DNAAF10: variants seen among roughly 807,000 people sequenced by gnomAD.
DNAAF10 encodes dynein axonemal assembly factor 10.
Under a neutral mutation model 43.7 loss-of-function variants are expected in DNAAF10, and 28 were observed. The observed-to-expected ratio is 0.64, with a 90% CI of 0.48 to 0.88. The LOEUF (loss-of-function observed/expected upper bound fraction) is 0.88. Ranked by LOEUF, DNAAF10 falls within the 40% of genes least tolerant of loss-of-function variation. The pLI, the probability that DNAAF10 is intolerant of heterozygous loss-of-function variation, is 0.00. For synonymous variants in DNAAF10, 156 were observed against 157.3 expected (o/e 0.99, Z 0.06); for missense variants, 403 against 439.1 (o/e 0.92, Z 0.73).
At position 68,138,845 on chromosome 2, in the gene DNAAF10, T is replaced by C; in HGVS notation, c.530A>G (p.Asn177Ser). Residue 177 changes from asparagine to serine, a missense_variant, in exon 5 of 8, where the codon AAT (asparagine) becomes AGT (serine). Transcript: ENST00000295121. Reference sequence around the variant, plus strand: ...AGCACAAACAACACGTTCTTCTTGATTATAAGCATTGCCTGGAAATCAAGA... The same window carrying C: ...AGCACAAACAACACGTTCTTCTTGACTATAAGCATTGCCTGGAAATCAAGA... ...CWTVAFGNAYNQEERVVCAGY... is the reference protein window; with the variant it reads ...CWTVAFGNAYSQEERVVCAGY... 1 of 1,612,286 alleles carries C rather than the reference T, an allele frequency of 6.2e-7. No homozygotes were observed. The highest frequency in any genetic ancestry group is 8.5e-7 in the Non-Finnish European group (1 of 1,178,422).
At chr2:68,155,788 G>A (rs1673584756) in intron 1 of DNAAF10, among the ~76,000 whole-genome samples, 1 of 151,916 alleles carries the variant, frequency 6.6e-6, no homozygotes, top group South Asian at 2.1e-4. Context: ...TAGATAATCT[G>A]AACTGAACAT....
chr2:68,136,209 T>C (rs1037376103), intron 6 of DNAAF10, among the ~76,000 whole-genome samples: 5 of 142,590 alleles, frequency 3.5e-5, no homozygotes, highest in Admixed American at 1.4e-4. Flanking sequence ...GAGGGCAAGA[T>C]TCTGTCTCCA....
rs759346301 is a variant in DNAAF10, at chr2:68,138,827, A to G, written c.548T>C (p.Val183Ala). 1.2e-6 allele frequency: 2 copies of G among 1,614,092 alleles called. No individual in the cohort carries two copies. The highest frequency in any genetic ancestry group is 1.7e-6 in the Non-Finnish European group (2 of 1,179,952). The stretch of plus-strand genomic sequence containing the variant: ...ATCCCCATTGTCATAGCCAGCACAA[A>G]CAACACGTTCTTCTTGATTATAAGC... ...GNAYNQEERV[V>A]CAGYDNGDIK... Residue 183 changes from valine to alanine, a missense_variant, in exon 5 of 8, where the codon GTT (valine) becomes GCT (alanine). Transcript: ENST00000295121.
At chr2:68,137,990 C>T (rs539486178) in intron 5 of DNAAF10, among the ~76,000 whole-genome samples, 4 of 150,502 alleles carry the variant, frequency 2.7e-5, no homozygotes, top group South Asian at 2.1e-4. Context: ...CTGGCTAACA[C>T]GATGAAACCC....
At chr2:68,148,512 C>T (rs909517542) in intron 1 of DNAAF10, among the ~76,000 whole-genome samples, 7 of 152,096 alleles carry the variant, frequency 4.6e-5, no homozygotes, top group South Asian at 2.1e-4. Context: ...CTTTTACTTC[C>T]TGATGTTTCT....
intron 4 of DNAAF10, 107 bp downstream of exon 4, chr2:68,141,587 A>T: frequency 9.3e-7 from 1 of 1,069,736 alleles, no homozygotes; most frequent in Non-Finnish European, 1.4e-6. Context: ...GTAAACTATT[A>T]GAATAATCCA....
At chr2:68,153,109 A>C (rs1297457303) in intron 1 of DNAAF10, among the ~76,000 whole-genome samples, 1 of 152,166 alleles carries the variant, frequency 6.6e-6, no homozygotes, top group African/African-American at 2.4e-5. Flanking sequence ...TCACACATGT[A>C]AGGCTTGATG....
chr2:68,143,816 G>A (rs898920293), intron 3 of DNAAF10, among the ~76,000 whole-genome samples: 1 of 152,136 alleles, frequency 6.6e-6, no homozygotes, highest in Non-Finnish European at 1.5e-5. Flanking sequence ...TAGTGTGGTA[G>A]ACTGAATGTT....
In DNAAF10 at chr2:68,141,748, T is replaced by C. The variant is rs767159192; in HGVS notation, c.463A>G (p.Asn155Asp). The C allele has an allele frequency of 9.9e-6, 16 of 1,614,052 alleles. No homozygotes were observed. In the African/African-American group the frequency reaches 1.1e-4, roughly 11 times the overall value. ...TTTTCTCCTTGTACAGGTTCCATAT[T>C]AGCAACAGGATCATCTTTTTGCCTT... ...DPRQKDDPVANMEPVQGENKR... is the reference protein window; with the variant it reads ...DPRQKDDPVADMEPVQGENKR... Residue 155 changes from asparagine (N) to aspartate (D), a missense_variant, in exon 4 of 8, where the codon AAT becomes GAT. Physicochemically the swap from Asn to Asp is conservative, Grantham distance 23. Transcript: ENST00000295121.
At chr2:68,152,747 G>T (rs534006948) in intron 1 of DNAAF10, among the ~76,000 whole-genome samples, 1 of 152,258 alleles carries the variant, frequency 6.6e-6, no homozygotes, top group Non-Finnish European at 1.5e-5. Flanking sequence ...TGACCTAACT[G>T]TTCACTTTCT....
intron 2 of DNAAF10, 128 bp from the exon 3 acceptor site, chr2:68,144,843 T>C: frequency 1.6e-6 from 2 of 1,240,314 alleles, no homozygotes; most frequent in Non-Finnish European, 2.1e-6. Flanking sequence ...TGAAGATAGT[T>C]TATACATTTA....
At chr2:68,149,369 C>T (rs1206168373) in intron 1 of DNAAF10, among the ~76,000 whole-genome samples, 1 of 152,110 alleles carries the variant, frequency 6.6e-6, no homozygotes, top group African/African-American at 2.4e-5. Context: ...GTCTAGTAAA[C>T]GAAATCAGCC....
intron 2 of DNAAF10, among the ~76,000 whole-genome samples, chr2:68,146,462 T>G (rs1229884510): frequency 6.6e-6 from 1 of 152,230 alleles, no homozygotes; most frequent in Admixed American, 6.5e-5. Context: ...ATATCTGTAC[T>G]ATACTAGGAA....
intron 2 of DNAAF10, among the ~76,000 whole-genome samples, chr2:68,147,119 C>G (rs1419790509): frequency 1.3e-5 from 2 of 152,068 alleles, no homozygotes; most frequent in African/African-American, 4.8e-5. Flanking sequence ...TCTACTTTTT[C>G]AGTGTTATTC....
rs145495579 is a variant in DNAAF10 at position 68,157,360 on chromosome 2, G to A, written c.84C>T (p.Pro28=). Residue 28 remains proline, a synonymous_variant, in exon 1 of 8, where the codon CCC becomes CCT. Coordinates refer to ENST00000295121, the MANE Select transcript of DNAAF10 (RefSeq NM_138458.4). Reference sequence around the variant, plus strand: ...CCATGGTCACAAATTTGGCGCTGCAGGGCACCCACTTACAGTCAAACACCG... The same window carrying A: ...CCATGGTCACAAATTTGGCGCTGCAAGGCACCCACTTACAGTCAAACACCG... ...NYTVFDCKWV[P]CSAKFVTMGN... The A allele has an allele frequency of 3.2e-5, 51 of 1,614,224 alleles. No homozygotes were observed. The East Asian group carries it at 1.1e-3, about 35-fold the overall frequency.
intron 2 of DNAAF10, among the ~76,000 whole-genome samples, chr2:68,145,445 A>G (rs1225040725): frequency 6.6e-6 from 1 of 152,150 alleles, no homozygotes; most frequent in Non-Finnish European, 1.5e-5. Flanking sequence ...GTATATTTCT[A>G]TCTAAATATA....
chr2:68,150,977 T>C (rs536980481), intron 1 of DNAAF10, among the ~76,000 whole-genome samples: 47 of 152,348 alleles, frequency 3.1e-4, no homozygotes, highest in African/African-American at 1.1e-3. Context: ...CCTGCACATG[T>C]CTGAGAATTG....
At chr2:68,156,935 T>C in intron 1 of DNAAF10, 1 of 385,272 alleles carries the variant, frequency 2.6e-6, no homozygotes, top group Non-Finnish European at 4.8e-6. Flanking sequence ...ACCATTCACA[T>C]CCCTGGGAAT....
In DNAAF10 at chr2:68,134,992, T is replaced by A. The variant is rs147351371; in HGVS notation, c.769-193A>T. Reference sequence around the variant, plus strand: ...ACATAAGAAATTAGAAAAAGCATCATTTTTCTTTATTGCTTTATGAAACAA... The same window carrying A: ...ACATAAGAAATTAGAAAAAGCATCAATTTTCTTTATTGCTTTATGAAACAA... On this transcript the variant is annotated intron_variant, in intron 6 of 7. Transcript: ENST00000295121. 2.7e-3 allele frequency among the ~76,000 whole-genome samples: 418 copies of A among 152,334 alleles called. 2 individuals are homozygous for A. The highest frequency in any genetic ancestry group is 6.3e-3 in the African/African-American group (261 of 41,566).
Sources: gnomAD v4.1 joint callset for allele counts (sites outside exome capture counted in the v4.1 genomes callset) on GRCh38, gnomAD v4.1.1 for gene constraint, MANE v1.5 for transcripts, NCBI Gene and HGNC (gene_info 2026-07-23, HGNC 2026-07-21) for gene names.